Variants in NPAS2 observed in about 807,000 individuals in gnomAD.
NPAS2 encodes the protein neuronal PAS domain protein 2.
A neutral mutation model predicts 107.5 loss-of-function variants in NPAS2; 23 were observed. The observed-to-expected ratio is 0.21, with a 90% CI of 0.15 to 0.30. NPAS2 has a LOEUF of 0.30. NPAS2 is among the 10% of genes least tolerant of loss of function. NPAS2 has a pLI of 1.00. For missense variants in NPAS2, 756 were observed against 1,043.3 expected (o/e 0.72, Z 3.79); for synonymous variants, 403 against 417.5 (o/e 0.97, Z 0.42).
Position 100,904,798 on chromosome 2 carries a change from C to T in NPAS2, c.32+12C>T. On this transcript the variant is annotated intron_variant, in intron 2 of 20. Coordinates refer to ENST00000335681, the MANE Select transcript of NPAS2 (RefSeq NM_002518.4). ...GACAGAGCCAAGAGGTAAGATGCAG[C>T]TGTCCCCCTGCTCAGCAGAGCTCTC... 1 of 1,595,522 alleles carries T rather than the reference C, an allele frequency of 6.3e-7. No homozygotes were observed. Among genetic ancestry groups the T allele is most frequent in the Admixed American group, 1.7e-5 (1 of 58,978 alleles).
chr2:100,831,156 C>T (rs1261576594), intron 1 of NPAS2, among the ~76,000 whole-genome samples: 2 of 151,852 alleles, frequency 1.3e-5, no homozygotes, highest in Admixed American at 1.3e-4. Context: ...AAAAATTAGC[C>T]GGGTGTGGTG....
chr2:100,995,412 A>C lies in NPAS2; in HGVS notation c.2305A>C (p.Thr769Pro), dbSNP rs762790005. The C allele has an allele frequency of 1.2e-6, 2 of 1,612,828 alleles. No homozygotes were observed. Among genetic ancestry groups the C allele is most frequent in the Admixed American group, 1.7e-5 (1 of 59,876 alleles). Residue 769 changes from threonine (T) to proline (P), a missense_variant, in exon 21 of 21, where the codon ACC becomes CCC. Physicochemically the swap from Thr to Pro is conservative, Grantham distance 38. Around this residue, in one of 4 missense-constraint regions of NPAS2, gnomAD observed 496 missense variants for 594.4 expected, o/e 0.83. Transcript: ENST00000335681. ...PQHYLQVQAPTSLHSEQQDSL... is the reference protein window; with the variant it reads ...PQHYLQVQAPPSLHSEQQDSL... ...CTTTTTTTTCTAGGTACAGGCACCA[A>C]CCTCTTTGCACAGTGAGCAGCAGGA...
chr2:100,881,838 C>T (rs751000332), intron 1 of NPAS2, among the ~76,000 whole-genome samples: 5 of 152,230 alleles, frequency 3.3e-5, no homozygotes, highest in Admixed American at 2.0e-4. Context: ...CCACATGCCA[C>T]GGACAGTGCT....
rs571857183 is a variant in NPAS2, at chr2:100,919,271, T to C, written c.33-5875T>C. Reference sequence around the variant, plus strand: ...GTTTTGTAGAGAGCTCTCTCTCGTCTTGATGGTGATGACGGTTGCATACCT... The same window carrying C: ...GTTTTGTAGAGAGCTCTCTCTCGTCCTGATGGTGATGACGGTTGCATACCT... On this transcript the variant is annotated intron_variant, in intron 2 of 20. Transcript: ENST00000335681. Among the ~76,000 whole-genome samples, 11 of 152,330 alleles carry C rather than the reference T, an allele frequency of 7.2e-5. No homozygotes were observed. The South Asian group carries it at 1.9e-3, about 26-fold the overall frequency.
In NPAS2 at chr2:100,977,809, G is replaced by A; in HGVS notation, c.1482+10G>A. The stretch of plus-strand genomic sequence containing the variant: ...CGCTCCCATGGCACAGGTGAGTCTG[G>A]GACCCAGGAAAGGGCAGCCCCTCTC... On this transcript the variant is annotated intron_variant, in intron 15 of 20. Coordinates refer to ENST00000335681, the MANE Select transcript of NPAS2 (RefSeq NM_002518.4). The A allele has an allele frequency of 6.2e-7, 1 of 1,612,804 alleles. No individual in the cohort carries two copies. Among genetic ancestry groups the A allele is most frequent in the Non-Finnish European group, 8.5e-7 (1 of 1,179,086 alleles).
rs879014747 is a variant in NPAS2, at chr2:100,881,502, G to A, written c.-22-23231G>A. On this transcript the variant is annotated intron_variant, in intron 1 of 20. Coordinates refer to ENST00000335681, the MANE Select transcript of NPAS2 (RefSeq NM_002518.4). ...GGAGTTTGAGACCAGGCTGGCCAAC[G>A]TGGCGAAACCCCATCTCTAGTAAAA... 3.3e-5 allele frequency among the ~76,000 whole-genome samples: 5 copies of A among 152,232 alleles called. No homozygotes were observed. The East Asian group carries it at 5.8e-4, about 18-fold the overall frequency.
At chr2:100,882,582 C>T (rs911215874) in intron 1 of NPAS2, among the ~76,000 whole-genome samples, 4 of 152,184 alleles carry the variant, frequency 2.6e-5, no homozygotes, top group Admixed American at 1.3e-4. Context: ...CACTGCGCTC[C>T]AGCCTGGGAG....
intron 1 of NPAS2, among the ~76,000 whole-genome samples, chr2:100,831,832 T>A (rs1217288903): frequency 6.6e-6 from 1 of 151,508 alleles, no homozygotes; most frequent in East Asian, 1.9e-4. Flanking sequence ...TGGATCCAGT[T>A]CAAGGTGGCC....
At chr2:100,918,235 C>G (rs71413895) in intron 2 of NPAS2, among the ~76,000 whole-genome samples, 22,058 of 151,860 alleles carry the variant, frequency 0.15, 1,777 homozygotes, top group Middle Eastern at 0.18. Flanking sequence ...AACATCTATT[C>G]ATGAAATAAA....
chr2:100,926,282 T>C (rs11123854), intron 3 of NPAS2, among the ~76,000 whole-genome samples: 12,356 of 152,246 alleles, frequency 0.081, 716 homozygotes, highest in East Asian at 0.26. Context: ...TTCACTTCTT[T>C]TGTTTGTATT....
In NPAS2 at chr2:100,995,580, T is replaced by C; in HGVS notation, c.2473T>C (p.Ter825GlnextTer16). 1 of 1,604,468 alleles carries C rather than the reference T, an allele frequency of 6.2e-7. No individual in the cohort carries two copies. ...ESSGLQQPPR* is the reference protein window; with the variant it reads ...ESSGLQQPPRQ ...GTCAGGCCTCCAGCAGCCGCCCCGA[T>C]AATGCCCCGGCACTGAAGTCGGGAC... The change falls in exon 21 of 21, where the codon TAA (stop) becomes CAA (glutamine). Residue 825 changes from the stop codon to glutamine, a stop_lost. Coordinates refer to ENST00000335681, the MANE Select transcript of NPAS2 (RefSeq NM_002518.4).
At chr2:100,932,692 G>A (rs1293476494) in intron 3 of NPAS2, among the ~76,000 whole-genome samples, 1 of 152,204 alleles carries the variant, frequency 6.6e-6, no homozygotes, top group African/African-American at 2.4e-5. Flanking sequence ...TAGAGAAGGT[G>A]GGGGATGCAC....
chr2:100,868,311 C>A (rs1246336509), intron 1 of NPAS2, among the ~76,000 whole-genome samples: 1 of 152,198 alleles, frequency 6.6e-6, no homozygotes, highest in East Asian at 1.9e-4. Context: ...TGAAGGGATT[C>A]TTTTCCTGTT....
At chr2:100,819,179 G>GA (rs1282365176), upstream of NPAS2, among the ~76,000 whole-genome samples, 1 of 151,952 alleles carries the variant, frequency 6.6e-6, no homozygotes, top group East Asian at 1.9e-4. This position sits in a 1 kb window ranked among gnomAD's most constrained non-coding sequence, Gnocchi z 5.8. Flanking sequence ...CGTATGTTTG[G>GA]AAAAATATGT....
intron 1 of NPAS2, among the ~76,000 whole-genome samples, chr2:100,870,339 G>A (rs1187536979): frequency 6.6e-6 from 1 of 152,190 alleles, no homozygotes; most frequent in Non-Finnish European, 1.5e-5. Flanking sequence ...GTATTGTTAA[G>A]GCCAAGGGGC....
At chr2:100,987,938 T>C (rs1677870498) in intron 16 of NPAS2, 141 bp from the exon 17 acceptor site, 1 of 880,160 alleles carries the variant, frequency 1.1e-6, no homozygotes. Context: ...AGGTGCTCCA[T>C]GTCCACCAGT....
At chr2:100,948,433 A>T in intron 6 of NPAS2, 78 bp downstream of exon 6, 15 of 1,268,128 alleles carry the variant, frequency 1.2e-5, no homozygotes, top group Non-Finnish European at 1.4e-5. Flanking sequence ...ATGAATTAAG[A>T]AGGGAGAACT....
chr2:100,948,439 G>C, intron 6 of NPAS2, 84 bp downstream of exon 6: 1 of 1,228,228 alleles, frequency 8.1e-7, no homozygotes, highest in Non-Finnish European at 1.1e-6. Context: ...TAAGAAGGGA[G>C]AACTAATTTT....
At chr2:100,860,944 G>A (rs1407570071) in intron 1 of NPAS2, among the ~76,000 whole-genome samples, 1 of 151,900 alleles carries the variant, frequency 6.6e-6, no homozygotes, top group Non-Finnish European at 1.5e-5. Context: ...CCAAGCTGGA[G>A]TACAGTGGCT....
Sources: gnomAD v4.1 joint callset for allele counts (sites outside exome capture counted in the v4.1 genomes callset) on GRCh38, gnomAD v4.1.1 for gene constraint, gnomAD v4.1.1 regional missense constraint, Gnocchi (gnomAD v3.1) non-coding constraint, MANE v1.5 for transcripts, NCBI Gene and HGNC (gene_info 2026-07-23, HGNC 2026-07-21) for gene names.